Variants in ASTN1 observed in about 807,000 individuals in gnomAD.
The protein encoded by ASTN1 is astrotactin 1.
A neutral mutation model predicts 140.7 loss-of-function variants in ASTN1; 41 were observed. The observed-to-expected ratio is 0.29, with a 90% CI of 0.23 to 0.38. The LOEUF is 0.38. ASTN1 is among the 10% of genes least tolerant of loss of function. The probability of loss-of-function intolerance (pLI) is 1.00; values close to 1 mark genes in which losing one functional copy is unlikely to be tolerated. For synonymous variants in ASTN1, 640 were observed against 652.2 expected, an observed-to-expected ratio of 0.98 and a Z score of 0.29; for missense variants, 1,479 against 1,678.8, an observed-to-expected ratio of 0.88 and a Z score of 2.08.
At chr1:176,971,585 A>G (rs1162569799) in intron 8 of ASTN1, among the ~76,000 whole-genome samples, 1 of 152,204 alleles carries the variant, frequency 6.6e-6, no homozygotes, top group East Asian at 1.9e-4. Context: ...CTTAAAAATG[A>G]CTTCCTAAAA....
chr1:177,023,650 C>T, intron 6 of ASTN1, 79 bp from the exon 7 acceptor site: 1 of 1,402,662 alleles, frequency 7.1e-7, no homozygotes, highest in East Asian at 2.6e-5. Flanking sequence ...CAAGGAAATC[C>T]CAACCTGAGA....
intron 8 of ASTN1, among the ~76,000 whole-genome samples, chr1:177,003,971 C>T (rs1674867363): frequency 6.6e-6 from 1 of 152,028 alleles, no homozygotes; most frequent in South Asian, 2.1e-4. Context: ...AAGTCCTATC[C>T]AGAGCAATCT....
At chr1:176,937,594 A>G (rs2103097402) in intron 14 of ASTN1, among the ~76,000 whole-genome samples, 1 of 152,308 alleles carries the variant, frequency 6.6e-6, no homozygotes, top group East Asian at 1.9e-4. Context: ...GGCCATAGGA[A>G]AAAAAATTGC....
intron 16 of ASTN1, among the ~76,000 whole-genome samples, chr1:176,902,168 ATG>A (rs138419542): frequency 0.16 from 24,979 of 152,212 alleles, 2,544 homozygotes; most frequent in Middle Eastern, 0.27. Context: ...TTTCGGAAAA[ATG>A]AATTTTTTGT....
Position 177,032,785 on chromosome 1 carries a change from C to T in ASTN1, c.536G>A (p.Arg179His), listed in dbSNP as rs766157462. ...CLVMILYTRR[R>H]WCKRRRVPQP... ...CGGGACCCGGCGGCGTTTGCACCAGCGCCGGCGAGTATACAGGATCATCAC... is the reference window on the plus strand; with the variant it reads ...CGGGACCCGGCGGCGTTTGCACCAGTGCCGGCGAGTATACAGGATCATCAC... Residue 179 changes from arginine to histidine, a missense_variant, in exon 3 of 23, where the codon CGC becomes CAC. Around this residue, in one of 3 missense-constraint regions of ASTN1, gnomAD observed 729 missense variants for 860.4 expected, o/e 0.85. Transcript: ENST00000361833. 1.8e-4 allele frequency: 286 copies of T among 1,612,782 alleles called. No individual in the cohort carries two copies. The highest frequency in any genetic ancestry group is 2.4e-4 in the Non-Finnish European group (280 of 1,179,972).
intron 8 of ASTN1, among the ~76,000 whole-genome samples, chr1:177,006,784 C>G (rs1290405236): frequency 1.3e-5 from 2 of 152,052 alleles, no homozygotes; most frequent in Non-Finnish European, 2.9e-5. Context: ...ACAGAGCCTC[C>G]CCCCTCCTCT....
At chr1:176,945,418 A>G (rs746640850) in intron 13 of ASTN1, among the ~76,000 whole-genome samples, 9 of 152,260 alleles carry the variant, frequency 5.9e-5, no homozygotes, top group Non-Finnish European at 1.2e-4. Flanking sequence ...AATTTAAAAA[A>G]TATCTAACAA....
intron 16 of ASTN1, among the ~76,000 whole-genome samples, chr1:176,919,399 A>C (rs1670636283): frequency 6.6e-6 from 1 of 152,234 alleles, no homozygotes; most frequent in African/African-American, 2.4e-5. Flanking sequence ...TACAGATCCC[A>C]ACATATTAAT....
intron 20 of ASTN1, among the ~76,000 whole-genome samples, chr1:176,878,956 G>T (rs761964072): frequency 5.3e-5 from 8 of 152,206 alleles, no homozygotes; most frequent in Admixed American, 1.3e-4. Flanking sequence ...GCTCTTGTGC[G>T]TAGGAAGTCC....
At chr1:177,024,827 A>G in intron 5 of ASTN1, 95 bp from the exon 6 acceptor site, 1 of 1,416,178 alleles carries the variant, frequency 7.1e-7, no homozygotes, top group South Asian at 1.3e-5. Flanking sequence ...CAAACAGGGG[A>G]GACAGTTGGC....
chr1:177,068,662 G>T (rs866096808), intron 1 of ASTN1, among the ~76,000 whole-genome samples: 19 of 152,102 alleles, frequency 1.2e-4, no homozygotes, highest in African/African-American at 4.6e-4. Flanking sequence ...GTTATTCAAT[G>T]ACACAAAACC....
At chr1:177,079,058 A>G (rs912611076) in intron 1 of ASTN1, among the ~76,000 whole-genome samples, 2 of 152,206 alleles carry the variant, frequency 1.3e-5, no homozygotes, top group Admixed American at 1.3e-4. Context: ...CAATTCTGCA[A>G]CTTACTCTTT....
intron 1 of ASTN1, among the ~76,000 whole-genome samples, chr1:177,061,511 T>A (rs1174584461): frequency 6.6e-6 from 1 of 152,108 alleles, no homozygotes; most frequent in Non-Finnish European, 1.5e-5. Context: ...CTCTCACCCA[T>A]CGAAAAAAAT....
intron 8 of ASTN1, among the ~76,000 whole-genome samples, chr1:176,982,165 G>C (rs1673648544): frequency 6.6e-6 from 1 of 152,186 alleles, no homozygotes; most frequent in Non-Finnish European, 1.5e-5. Context: ...CAGGGGACTG[G>C]CCAACCTGAA....
At chr1:177,048,332 G>A (rs1677351303) in intron 2 of ASTN1, among the ~76,000 whole-genome samples, 1 of 152,166 alleles carries the variant, frequency 6.6e-6, no homozygotes, top group Non-Finnish European at 1.5e-5. Context: ...CCCAAAAGGG[G>A]AGTCTGGGAG....
chr1:176,891,242 T>A (rs1669251777), intron 17 of ASTN1, among the ~76,000 whole-genome samples: 1 of 152,234 alleles, frequency 6.6e-6, no homozygotes, highest in Admixed American at 6.5e-5. Context: ...TTAATTCTTA[T>A]TCCAGGAAAG....
intron 4 of ASTN1, 76 bp downstream of exon 4, chr1:177,030,730 G>A: frequency 1.9e-6 from 3 of 1,579,042 alleles, no homozygotes; most frequent in Non-Finnish European, 1.7e-6. Flanking sequence ...GAGAGAATGG[G>A]TAGAAGATAT....
intron 1 of ASTN1, among the ~76,000 whole-genome samples, chr1:177,137,993 GC>G (rs1250440021): frequency 3.9e-5 from 6 of 152,204 alleles, no homozygotes; most frequent in African/African-American, 1.4e-4. Context: ...GGTACCAAGG[GC>G]AGGAAATACG....
chr1:176,935,340 G>A (rs1339456960), intron 15 of ASTN1, among the ~76,000 whole-genome samples: 3 of 152,202 alleles, frequency 2.0e-5, no homozygotes, highest in African/African-American at 7.2e-5. Context: ...GGTGCACATT[G>A]ACTATGTAAA....
Sources: gnomAD v4.1 joint callset for allele counts (sites outside exome capture counted in the v4.1 genomes callset) on GRCh38, gnomAD v4.1.1 for gene constraint, gnomAD v4.1.1 regional missense constraint, MANE v1.5 for transcripts, NCBI Gene and HGNC (gene_info 2026-07-23, HGNC 2026-07-21) for gene names.